SAMMSON: variants seen among roughly 807,000 people sequenced by gnomAD.
The protein encoded by SAMMSON is survival associated mitochondrial melanoma specific oncogenic non-coding RNA.
chr3:70,340,604 T>G (rs1484305410), intron 7 of SAMMSON, among the ~76,000 whole-genome samples: 1 of 152,146 alleles, frequency 6.6e-6, no homozygotes, highest in Non-Finnish European at 1.5e-5. Flanking sequence ...GTTAGGTATA[T>G]GGTGCTTATG....
intron 4 of SAMMSON, among the ~76,000 whole-genome samples, chr3:70,238,519 A>G (rs895060556): frequency 6.6e-6 from 1 of 152,000 alleles, no homozygotes; most frequent in Admixed American, 6.6e-5. Flanking sequence ...AAGCAGATGT[A>G]GGAGATCTAT....
intron 4 of SAMMSON, among the ~76,000 whole-genome samples, chr3:70,149,813 C>T (rs1481517616): frequency 1.3e-5 from 2 of 152,040 alleles, no homozygotes; most frequent in East Asian, 3.9e-4. Context: ...CATCATAGGT[C>T]TGTCCATTTC....
chr3:70,020,107 C>T (rs373461749), intron 3 of SAMMSON, among the ~76,000 whole-genome samples: 2 of 152,222 alleles, frequency 1.3e-5, no homozygotes, highest in African/African-American at 4.8e-5. Context: ...TGATGGTGTT[C>T]CTGCAGCATA....
intron 4 of SAMMSON, among the ~76,000 whole-genome samples, chr3:70,092,912 T>TTG (rs1553714623): frequency 8.6e-5 from 13 of 150,712 alleles, no homozygotes; most frequent in Admixed American, 8.0e-4. Flanking sequence ...GTTTTTTTTT[T>TTG]TTTGTTTTTT....
At chr3:70,210,239 C>G (rs1456881883) in intron 4 of SAMMSON, among the ~76,000 whole-genome samples, 1 of 152,050 alleles carries the variant, frequency 6.6e-6, no homozygotes, top group African/African-American at 2.4e-5. Context: ...ATTAAGCAAC[C>G]ATTTGGAGCA....
chr3:70,027,567 C>G (rs1011877740), intron 3 of SAMMSON, among the ~76,000 whole-genome samples: 6 of 152,156 alleles, frequency 3.9e-5, no homozygotes, highest in South Asian at 2.1e-4. Context: ...TTTACTAAAT[C>G]GAGCAAGTTG....
chr3:70,040,232 AT>A (rs1351525746), intron 3 of SAMMSON, among the ~76,000 whole-genome samples: 1 of 152,142 alleles, frequency 6.6e-6, no homozygotes, highest in Non-Finnish European at 1.5e-5. Context: ...CAGAAAGCAG[AT>A]ATATGTCACC....
rs565755969 is a variant in SAMMSON, at chr3:70,028,386, G to A, written n.417+14714G>A. The stretch of plus-strand genomic sequence containing the variant: ...GTTTGCTTTCAGGTCTTTACTTTAG[G>A]CAGGAGATACATTCCCAAGACCATT... On this transcript the variant is annotated intron_variant and non_coding_transcript_variant, in intron 3 of 9. Transcript: ENST00000642114. 2.0e-5 allele frequency among the ~76,000 whole-genome samples: 3 copies of A among 152,070 alleles called. No individual in the cohort carries two copies. In the South Asian group the frequency reaches 6.2e-4, roughly 32 times the overall value.
At chr3:70,324,615 T>C (rs941073267) in intron 7 of SAMMSON, among the ~76,000 whole-genome samples, 1 of 152,176 alleles carries the variant, frequency 6.6e-6, no homozygotes, top group African/African-American at 2.4e-5. Flanking sequence ...AAGTACAGAG[T>C]TAATGTAACT....
At chr3:70,092,851 G>A (rs1010513112) in intron 4 of SAMMSON, among the ~76,000 whole-genome samples, 5 of 151,040 alleles carry the variant, frequency 3.3e-5, no homozygotes, top group Non-Finnish European at 5.9e-5. Context: ...TTAGTGATTC[G>A]CTTGATAAAG....
intron 4 of SAMMSON, chr3:70,172,548 T>C (rs978266517): frequency 1.3e-5 from 2 of 151,988 alleles, no homozygotes; most frequent in Non-Finnish European, 2.9e-5. Context: ...TTAGTAACAA[T>C]AAATTGCTTG....
intron 4 of SAMMSON, among the ~76,000 whole-genome samples, chr3:70,114,108 G>C (rs1193688912): frequency 6.6e-6 from 1 of 152,172 alleles, no homozygotes; most frequent in Non-Finnish European, 1.5e-5. Context: ...TGGAGGCACC[G>C]ATTCATTCAT....
chr3:70,338,450 G>A (rs1400256903), intron 7 of SAMMSON, among the ~76,000 whole-genome samples: 1 of 152,026 alleles, frequency 6.6e-6, no homozygotes, highest in Non-Finnish European at 1.5e-5. Flanking sequence ...TAGGAAAAGA[G>A]GAAGTCAAAT....
intron 4 of SAMMSON, among the ~76,000 whole-genome samples, chr3:70,193,760 A>G (rs1176639948): frequency 6.6e-6 from 1 of 152,216 alleles, no homozygotes; most frequent in African/African-American, 2.4e-5. Flanking sequence ...ACTTTACTTA[A>G]GTTTACATAT....
At chr3:69,999,689 C>G (rs1413674028), upstream of SAMMSON, 1 of 152,456 alleles carries the variant, frequency 6.6e-6, no homozygotes, top group Non-Finnish European at 1.5e-5. Context: ...GCCGGCCACG[C>G]CCCCAACCTG....
At chr3:70,133,447 C>T (rs896057137) in intron 4 of SAMMSON, among the ~76,000 whole-genome samples, 1 of 152,136 alleles carries the variant, frequency 6.6e-6, no homozygotes, top group African/African-American at 2.4e-5. Context: ...TTCTGAGTTG[C>T]ATCCTTTTAT....
chr3:70,383,792 T>G (rs1329362137), intron 9 of SAMMSON, among the ~76,000 whole-genome samples: 3 of 152,014 alleles, frequency 2.0e-5, no homozygotes, highest in Non-Finnish European at 2.9e-5. Flanking sequence ...TGTAAGGTAT[T>G]ATTGCTACTA....
At chr3:70,342,367 A>G (rs542074334) in intron 7 of SAMMSON, among the ~76,000 whole-genome samples, 1 of 152,302 alleles carries the variant, frequency 6.6e-6, no homozygotes, top group African/African-American at 2.4e-5. Flanking sequence ...TAATAAGTGG[A>G]AAATTTTGAA....
At chr3:70,383,875 G>A (rs911097592) in intron 9 of SAMMSON, among the ~76,000 whole-genome samples, 5 of 151,930 alleles carry the variant, frequency 3.3e-5, no homozygotes, top group African/African-American at 9.7e-5. Context: ...TTGCAGTGAG[G>A]CATGCTTTCT....
Sources: gnomAD v4.1 joint callset for allele counts (sites outside exome capture counted in the v4.1 genomes callset) on GRCh38, gnomAD v4.1.1 for gene constraint, MANE v1.5 for transcripts, NCBI Gene and HGNC (gene_info 2026-07-23, HGNC 2026-07-21) for gene names.